ARHGAP24: variants seen among roughly 807,000 people sequenced by gnomAD.
ARHGAP24 encodes the protein rho GTPase-activating protein 24.
ARHGAP24 carries 50 observed loss-of-function variants against 76.4 expected under a neutral mutation model. The observed-to-expected ratio is 0.65, with a 90% confidence interval of 0.52 to 0.83. The LOEUF (loss-of-function observed/expected upper bound fraction) is 0.83, where lower values mean the gene tolerates loss of function less well. ARHGAP24 is among the 40% of genes least tolerant of loss of function. The pLI is 0.00. For synonymous variants in ARHGAP24, 345 were observed against 323.3 expected (o/e 1.07, Z -0.72); for missense variants, 930 against 914.2 (o/e 1.02, Z -0.22).
intron 3 of ARHGAP24, among the ~76,000 whole-genome samples, chr4:85,728,576 C>A (rs1167435303): frequency 6.6e-6 from 1 of 152,076 alleles, no homozygotes; most frequent in Non-Finnish European, 1.5e-5. Context: ...CTCCACAGAC[C>A]TATTTTGCAC....
chr4:85,640,673 A>C lies in ARHGAP24; in HGVS notation c.180+69952A>C, dbSNP rs73833387. 5.2e-3 allele frequency among the ~76,000 whole-genome samples: 796 copies of C among 152,312 alleles called. 3 individuals are homozygous for C. The highest frequency in any genetic ancestry group is 0.018 in the African/African-American group (755 of 41,574). ...GTCAGCCTTTGCCCTCAAAGGATTT[A>C]TAATCTGGTTGTGACCATATCTTCA... On this transcript the variant is annotated intron_variant, in intron 2 of 9. Coordinates refer to ENST00000395184, the MANE Select transcript of ARHGAP24 (RefSeq NM_001025616.3).
At chr4:85,862,356 G>T (rs1731948771) in intron 3 of ARHGAP24, among the ~76,000 whole-genome samples, 1 of 152,050 alleles carries the variant, frequency 6.6e-6, no homozygotes, top group African/African-American at 2.4e-5. Context: ...ATTGGTTACA[G>T]GTTGGCGTTT....
chr4:85,923,900 C>A, intron 4 of ARHGAP24, 130 bp downstream of exon 4: 1 of 1,362,068 alleles, frequency 7.3e-7, no homozygotes, highest in Non-Finnish European at 1.0e-6. Flanking sequence ...GTAAATTGTT[C>A]AACATTATTG....
intron 2 of ARHGAP24, among the ~76,000 whole-genome samples, chr4:85,700,166 G>A (rs1270805762): frequency 6.6e-6 from 1 of 152,034 alleles, no homozygotes; most frequent in African/African-American, 2.4e-5. Context: ...AGGCAGAGGT[G>A]GGTGAATCAC....
intron 1 of ARHGAP24, among the ~76,000 whole-genome samples, chr4:85,487,727 TATTA>T (rs1476361421): frequency 6.2e-5 from 6 of 96,552 alleles, no homozygotes; most frequent in African/African-American, 2.8e-4. Flanking sequence ...TATATATTTA[TATTA>T]TATATTATAT....
At chr4:85,842,888 A>G (rs531998608) in intron 3 of ARHGAP24, among the ~76,000 whole-genome samples, 47 of 152,326 alleles carry the variant, frequency 3.1e-4, no homozygotes, top group African/African-American at 1.1e-3. Flanking sequence ...GGGTGGTATC[A>G]GTAACCCTGA....
chr4:85,555,440 G>A (rs531576521), intron 1 of ARHGAP24, among the ~76,000 whole-genome samples: 40 of 152,344 alleles, frequency 2.6e-4, no homozygotes, highest in Middle Eastern at 6.8e-3. Flanking sequence ...TGTTGTTGAA[G>A]TTTGGGTTGT....
chr4:85,508,141 T>C (rs1003065882), intron 1 of ARHGAP24, among the ~76,000 whole-genome samples: 3 of 152,264 alleles, frequency 2.0e-5, no homozygotes, highest in Admixed American at 6.5e-5. Flanking sequence ...ATTTTTCCTC[T>C]GGAGAGAAAA....
intron 2 of ARHGAP24, among the ~76,000 whole-genome samples, chr4:85,651,101 G>C (rs1386989211): frequency 6.7e-6 from 1 of 149,204 alleles, no homozygotes; most frequent in Non-Finnish European, 1.5e-5. Context: ...AAAGGCCTGA[G>C]GTGAAAACAA....
intron 1 of ARHGAP24, among the ~76,000 whole-genome samples, chr4:85,483,450 A>G (rs1278040096): frequency 6.6e-6 from 1 of 152,068 alleles, no homozygotes; most frequent in African/African-American, 2.4e-5. Flanking sequence ...CGTCTCTACT[A>G]TAAGTACAAA....
chr4:85,907,401 A>T (rs998592147), intron 3 of ARHGAP24, among the ~76,000 whole-genome samples: 1 of 152,230 alleles, frequency 6.6e-6, no homozygotes, highest in African/African-American at 2.4e-5. Context: ...CCACAGGAAA[A>T]GACGTATTAT....
At chr4:85,479,068 A>G (rs1722711719) in intron 1 of ARHGAP24, among the ~76,000 whole-genome samples, 1 of 152,216 alleles carries the variant, frequency 6.6e-6, no homozygotes, top group Non-Finnish European at 1.5e-5. Context: ...GAAGTCGTCA[A>G]TAAATGAAAT....
chr4:85,730,781 A>G (rs1478530121), intron 3 of ARHGAP24, among the ~76,000 whole-genome samples: 2 of 115,444 alleles, frequency 1.7e-5, no homozygotes, highest in African/African-American at 7.5e-5. Context: ...AAACAAACAA[A>G]CAAGCTTATC....
intron 2 of ARHGAP24, among the ~76,000 whole-genome samples, chr4:85,590,479 C>G (rs1368258427): frequency 1.3e-5 from 2 of 152,062 alleles, no homozygotes; most frequent in African/African-American, 2.4e-5. Flanking sequence ...CCTGCTCCAG[C>G]ATCCCGAGTA....
intron 2 of ARHGAP24, among the ~76,000 whole-genome samples, chr4:85,572,543 T>C (rs1000694906): frequency 6.6e-6 from 1 of 152,286 alleles, no homozygotes; most frequent in East Asian, 1.9e-4. Context: ...GTTGAAAATA[T>C]ATATTTTAAA....
At chr4:85,640,600 C>G (rs529973680) in intron 2 of ARHGAP24, among the ~76,000 whole-genome samples, 1 of 152,240 alleles carries the variant, frequency 6.6e-6, no homozygotes, top group South Asian at 2.1e-4. Context: ...GAAACTCTAC[C>G]AGGTCTAAGA....
At chr4:85,959,106 C>T (rs1269875420) in intron 5 of ARHGAP24, among the ~76,000 whole-genome samples, 1 of 152,146 alleles carries the variant, frequency 6.6e-6, no homozygotes, top group Non-Finnish European at 1.5e-5. Flanking sequence ...ACAGAGCAGC[C>T]CCGACGGCTG....
rs537699635 is a variant in ARHGAP24 at position 85,637,793 on chromosome 4, T to A, written c.180+67072T>A. Among the ~76,000 whole-genome samples the A allele has an allele frequency of 1.4e-4, 22 of 152,204 alleles. No individual in the cohort carries two copies. The South Asian group carries it at 3.7e-3, about 26-fold the overall frequency. ...AGCTACTAGATAATTTTAAATTACA[T>A]ATTTGGCTCACATCAGTATTCCTGT... is the stretch of plus-strand genomic sequence containing the variant. On this transcript the variant is annotated intron_variant, in intron 2 of 9. Coordinates refer to ENST00000395184, the MANE Select transcript of ARHGAP24 (RefSeq NM_001025616.3).
chr4:85,661,843 G>A (rs1444162484), intron 2 of ARHGAP24, among the ~76,000 whole-genome samples: 1 of 152,102 alleles, frequency 6.6e-6, no homozygotes, highest in Non-Finnish European at 1.5e-5. Context: ...CAAAGGACAT[G>A]AACTCATCAT....
Sources: gnomAD v4.1 joint callset for allele counts (sites outside exome capture counted in the v4.1 genomes callset) on GRCh38, gnomAD v4.1.1 for gene constraint, MANE v1.5 for transcripts, NCBI Gene and HGNC (gene_info 2026-07-23, HGNC 2026-07-21) for gene names.